Variants in CFAP69 observed in about 807,000 individuals in gnomAD.
CFAP69 encodes the protein cilia- and flagella-associated protein 69.
Under a neutral mutation model 123.0 loss-of-function variants are expected in CFAP69, and 92 were observed. That is an observed-to-expected ratio of 0.75 (90% confidence interval 0.63 to 0.89). The LOEUF (loss-of-function observed/expected upper bound fraction) is 0.89. Among genes scored for constraint, CFAP69 ranks in the 40% least tolerant of loss-of-function variants. The pLI is 0.00. For synonymous variants in CFAP69, 380 were observed against 364.3 expected (o/e 1.04, Z -0.49); for missense variants, 1,067 against 1,096.9 (o/e 0.97, Z 0.39).
chr7:90,280,028 T>A lies in CFAP69; in HGVS notation c.1372+135T>A. 6.8e-6 allele frequency: 4 copies of A among 588,880 alleles called. No homozygotes were observed. In the South Asian group the frequency reaches 2.0e-4, roughly 29 times the overall value. 36.5% of individuals were successfully genotyped at this position (588,880 alleles called of 1,614,324 possible). On this transcript the variant is annotated intron_variant, in intron 12 of 22. Transcript: ENST00000389297. ...AAAACACACAGACCTATCTTCTTAA[T>A]GTATTTATATGTTGTTTTAAGAAAA...
At chr7:90,321,190 C>T in the CFAP69 span, 2 of 152,294 alleles carry the variant, frequency 1.3e-5, no homozygotes, top group Non-Finnish European at 2.9e-5. Context: ...CAAGCTCGCT[C>T]AGCGGAACCG....
intron 20 of CFAP69, among the ~76,000 whole-genome samples, chr7:90,307,422 C>T (rs1793766099): frequency 6.6e-6 from 1 of 152,062 alleles, no homozygotes; most frequent in Admixed American, 6.6e-5. Flanking sequence ...CATTAAGGCA[C>T]AAGATAATAA....
intron 4 of CFAP69, among the ~76,000 whole-genome samples, chr7:90,265,002 C>A (rs1339148914): frequency 6.6e-6 from 1 of 151,994 alleles, no homozygotes; most frequent in Non-Finnish European, 1.5e-5. Context: ...CCATGTTGGC[C>A]AGGATGATCT....
At chr7:90,276,360 T>C (rs1308256053) in intron 9 of CFAP69, among the ~76,000 whole-genome samples, 1 of 152,222 alleles carries the variant, frequency 6.6e-6, no homozygotes, top group Non-Finnish European at 1.5e-5. Flanking sequence ...ATTAGTGTCC[T>C]TGCAAACATT....
At chr7:90,261,082 A>T (rs1484658821) in intron 3 of CFAP69, among the ~76,000 whole-genome samples, 1 of 145,944 alleles carries the variant, frequency 6.9e-6, no homozygotes, top group Non-Finnish European at 1.5e-5. Flanking sequence ...TGCCAATAGG[A>T]TTTTTTTTTT....
At chr7:90,252,210 A>G (rs1188852889) in intron 1 of CFAP69, among the ~76,000 whole-genome samples, 1 of 151,976 alleles carries the variant, frequency 6.6e-6, no homozygotes, top group Non-Finnish European at 1.5e-5. Context: ...GTAGTGGTGG[A>G]TATCACTGCC....
chr7:90,317,372 A>G, the CFAP69 span: 4 of 152,048 alleles, frequency 2.6e-5, no homozygotes, highest in Non-Finnish European at 5.9e-5. Context: ...AAAATCACTC[A>G]TGTTTACACG....
chr7:90,247,604 T>C (rs1796487199), intron 1 of CFAP69, among the ~76,000 whole-genome samples: 1 of 152,154 alleles, frequency 6.6e-6, no homozygotes, highest in Admixed American at 6.5e-5. Flanking sequence ...TCCCAGCACT[T>C]TGAGAGGCTG....
chr7:90,257,750 T>C (rs1324909873), intron 2 of CFAP69, among the ~76,000 whole-genome samples: 1 of 152,184 alleles, frequency 6.6e-6, no homozygotes, highest in Non-Finnish European at 1.5e-5. Flanking sequence ...ATATAGACCA[T>C]ATTTTCTTTA....
chr7:90,287,339 T>C (rs1790455916), intron 14 of CFAP69, among the ~76,000 whole-genome samples: 1 of 152,140 alleles, frequency 6.6e-6, no homozygotes, highest in African/African-American at 2.4e-5. Context: ...GTATCTACAA[T>C]TGGAATTGAT....
At chr7:90,291,271 C>T (rs1259138795) in intron 15 of CFAP69, among the ~76,000 whole-genome samples, 10 of 152,096 alleles carry the variant, frequency 6.6e-5, no homozygotes, top group Admixed American at 6.6e-4. Context: ...TTATTTATGC[C>T]TCCCCTTTAT....
intron 15 of CFAP69, among the ~76,000 whole-genome samples, chr7:90,288,973 T>C (rs2117172477): frequency 6.6e-6 from 1 of 152,108 alleles, no homozygotes; most frequent in East Asian, 1.9e-4. Flanking sequence ...ATACATTGTA[T>C]AGCCATACAA....
chr7:90,248,601 T>G (rs1267517244), intron 1 of CFAP69, among the ~76,000 whole-genome samples: 1 of 152,060 alleles, frequency 6.6e-6, no homozygotes, highest in Non-Finnish European at 1.5e-5. Context: ...AAAACAATAG[T>G]TTAGGAATCT....
intron 20 of CFAP69, 111 bp downstream of exon 20, chr7:90,307,209 A>C: frequency 1.4e-6 from 1 of 725,046 alleles, no homozygotes; most frequent in South Asian, 1.7e-5. Context: ...TAGGACAACT[A>C]TAGTAACAAT....
In CFAP69 at chr7:90,272,429, G is replaced by A. The variant is rs569741926; in HGVS notation, c.860+471G>A. ...CAATATAGATATTGTCTCTGCTTTCGTGGAATTTACATTGTGCTAGGAGGG... is the reference window on the plus strand; with the variant it reads ...CAATATAGATATTGTCTCTGCTTTCATGGAATTTACATTGTGCTAGGAGGG... On this transcript the variant is annotated intron_variant, in intron 8 of 22. Coordinates refer to ENST00000389297, the MANE Select transcript of CFAP69 (RefSeq NM_001039706.3). Among the ~76,000 whole-genome samples, 4 of 152,190 alleles carry A rather than the reference G, an allele frequency of 2.6e-5. No homozygotes were observed. The East Asian group carries it at 5.8e-4, about 22-fold the overall frequency.
chr7:90,306,853 A>G (rs1240454056), intron 19 of CFAP69, 48 bp from the exon 20 acceptor site: 4 of 1,104,410 alleles, frequency 3.6e-6, no homozygotes, highest in African/African-American at 3.2e-5. Flanking sequence ...GTACAATTGC[A>G]TGATTTGTTT....
intron 15 of CFAP69, among the ~76,000 whole-genome samples, chr7:90,292,014 A>G (rs1447473856): frequency 6.6e-6 from 1 of 152,158 alleles, no homozygotes; most frequent in Non-Finnish European, 1.5e-5. Flanking sequence ...GAATCTAACA[A>G]CAGGTGTACC....
At chr7:90,266,566 G>A (rs188314467) in intron 5 of CFAP69, among the ~76,000 whole-genome samples, 30 of 152,192 alleles carry the variant, frequency 2.0e-4, no homozygotes, top group Non-Finnish European at 2.9e-5. Flanking sequence ...ACAGTCACTT[G>A]TATTATAAAT....
intron 1 of CFAP69, among the ~76,000 whole-genome samples, chr7:90,249,800 A>G (rs529485472): frequency 1.3e-5 from 2 of 152,236 alleles, no homozygotes; most frequent in African/African-American, 2.4e-5. Context: ...CGCTTTTCTA[A>G]CAGGTTTCCA....
Sources: allele counts gnomAD v4.1 joint callset (sites outside exome capture counted in the v4.1 genomes callset), GRCh38; gene constraint gnomAD v4.1.1; transcripts MANE v1.5; gene names NCBI Gene and HGNC (gene_info 2026-07-23, HGNC 2026-07-21).